NCOA3: variants seen among roughly 807,000 people sequenced by gnomAD.
The protein encoded by NCOA3 is CBP-interacting protein.
A neutral mutation model predicts 158.8 loss-of-function variants in NCOA3; 51 were observed. That is an observed-to-expected ratio of 0.32 (90% CI 0.26 to 0.41). NCOA3 has a LOEUF of 0.41. Among genes scored for constraint, NCOA3 ranks in the 10% least tolerant of loss-of-function variants. The pLI, the probability that NCOA3 is intolerant of heterozygous loss-of-function variation, is 1.00. For synonymous variants in NCOA3, 537 were observed against 592.4 expected (o/e 0.91, Z 1.36); for missense variants, 1,510 against 1,746.6 (o/e 0.86, Z 2.41).
At chr20:47,515,026 G>GT (rs913547832) in intron 1 of NCOA3, among the ~76,000 whole-genome samples, 1 of 146,448 alleles carries the variant, frequency 6.8e-6, no homozygotes, top group African/African-American at 2.5e-5. Context: ...TTTCATTTGT[G>GT]TTAAAAAAAA....
At chr20:47,520,542 G>C (rs1192771415) in intron 1 of NCOA3, among the ~76,000 whole-genome samples, 3 of 152,184 alleles carry the variant, frequency 2.0e-5, no homozygotes, top group Non-Finnish European at 4.4e-5. Context: ...TTTGCGGAAG[G>C]CTCAACCCCT....
chr20:47,538,071 G>C (rs994274877), intron 1 of NCOA3, among the ~76,000 whole-genome samples: 2 of 151,786 alleles, frequency 1.3e-5, no homozygotes, highest in Non-Finnish European at 2.9e-5. Context: ...GTAGAGACAG[G>C]GTTTCACTAT....
chr20:47,612,332 A>T (rs2086058910), intron 2 of NCOA3, among the ~76,000 whole-genome samples: 1 of 152,232 alleles, frequency 6.6e-6, no homozygotes, highest in Non-Finnish European at 1.5e-5. Flanking sequence ...ACAAGGTAGG[A>T]AGCAGAGACA....
intron 1 of NCOA3, among the ~76,000 whole-genome samples, chr20:47,502,793 C>T (rs1288629753): frequency 1.3e-5 from 2 of 151,006 alleles, no homozygotes; most frequent in Admixed American, 1.3e-4. Context: ...CTTGTACCTG[C>T]CTTAACAAAA....
At position 47,626,853 on chromosome 20, in the gene NCOA3, C is replaced by T. The variant is rs113870444; in HGVS notation, c.358-149C>T. The T allele has an allele frequency of 1.2e-4, 76 of 612,244 alleles. 5 individuals carry two copies. Among genetic ancestry groups the T allele is most frequent in the African/African-American group, 8.3e-4 (44 of 52,838 alleles). The allele number at this position is 612,244 out of a possible 1,614,324, so 37.9% of individuals were successfully genotyped here. A position where few individuals can be genotyped will look rare whatever the true frequency, so the allele number is the denominator to read the frequency against. On this transcript the variant is annotated intron_variant, in intron 5 of 22. Coordinates refer to ENST00000371998, the MANE Select transcript of NCOA3 (RefSeq NM_181659.3). ...AGTCATATTGGATTAGGGTCCCCAC[C>T]GTTATGACCTCATTTATCTTTAATT... is the stretch of plus-strand genomic sequence containing the variant.
At chr20:47,618,969 A>G (rs189965279) in intron 2 of NCOA3, among the ~76,000 whole-genome samples, 4 of 152,372 alleles carry the variant, frequency 2.6e-5, no homozygotes, top group Middle Eastern at 3.4e-3. Context: ...TTGTAACACT[A>G]TATCAACTGT....
chr20:47,648,716 C>G (rs2086731303), intron 18 of NCOA3, among the ~76,000 whole-genome samples: 1 of 151,924 alleles, frequency 6.6e-6, no homozygotes, highest in African/African-American at 2.4e-5. Context: ...CTGCCCACCT[C>G]AGCCTCTCAA....
chr20:47,597,909 T>C (rs901125548), intron 2 of NCOA3, among the ~76,000 whole-genome samples: 2 of 152,088 alleles, frequency 1.3e-5, no homozygotes, highest in Admixed American at 6.6e-5. Flanking sequence ...ATAGTTAAGA[T>C]TCCATGATTG....
Position 47,636,730 on chromosome 20 carries a change from G to T in NCOA3, c.2344G>T (p.Asp782Tyr). Residue 782 changes from aspartate to tyrosine, a missense_variant, in exon 12 of 23, where the codon GAC becomes TAC. Coordinates refer to ENST00000371998, the MANE Select transcript of NCOA3 (RefSeq NM_181659.3). ...STIPSSSQEK[D>Y]PKIKTETSEE... ...CATTCCTAGCTCAAGTCAAGAGAAAGACCCTAAAATTAAGACAGAGACAAG... is the reference window on the plus strand; with the variant it reads ...CATTCCTAGCTCAAGTCAAGAGAAATACCCTAAAATTAAGACAGAGACAAG... 1.9e-6 allele frequency: 3 copies of T among 1,612,628 alleles called. No homozygotes were observed. Among genetic ancestry groups the T allele is most frequent in the Non-Finnish European group, 2.5e-6 (3 of 1,178,996 alleles).
intron 2 of NCOA3, among the ~76,000 whole-genome samples, chr20:47,584,703 C>T (rs991364268): frequency 2.6e-4 from 38 of 148,950 alleles, no homozygotes; most frequent in African/African-American, 8.9e-4. Context: ...TCATTCTTTT[C>T]GTGAGGTTGA....
chr20:47,637,106 A>G (rs2146323357), intron 12 of NCOA3, among the ~76,000 whole-genome samples: 1 of 152,214 alleles, frequency 6.6e-6, no homozygotes, highest in East Asian at 1.9e-4. Flanking sequence ...TTAAGGTAAA[A>G]TCAAGTTTCA....
chr20:47,615,082 A>C (rs142667090), intron 2 of NCOA3, among the ~76,000 whole-genome samples: 1 of 152,206 alleles, frequency 6.6e-6, no homozygotes, highest in Admixed American at 6.5e-5. Context: ...CAGCTCTGCC[A>C]TCCAGAATCT....
chr20:47,577,991 C>T (rs2085397352), intron 1 of NCOA3, among the ~76,000 whole-genome samples: 1 of 151,960 alleles, frequency 6.6e-6, no homozygotes, highest in South Asian at 2.1e-4. Flanking sequence ...AATTCCTTGT[C>T]CCCCACTCCC....
At chr20:47,601,561 A>C (rs2085863403) in intron 2 of NCOA3, among the ~76,000 whole-genome samples, 1 of 152,160 alleles carries the variant, frequency 6.6e-6, no homozygotes, top group African/African-American at 2.4e-5. Context: ...TAAAAGGTGA[A>C]CTGCTGTACA....
At chr20:47,639,902 G>A in intron 15 of NCOA3, 23 bp from the exon 16 acceptor site, 4 of 1,613,688 alleles carry the variant, frequency 2.5e-6, no homozygotes, top group Non-Finnish European at 3.4e-6. Flanking sequence ...TTGAGAATTT[G>A]TGCTTTCTTT....
At chr20:47,550,511 G>A (rs2084912822) in intron 1 of NCOA3, among the ~76,000 whole-genome samples, 1 of 150,992 alleles carries the variant, frequency 6.6e-6, no homozygotes, top group Non-Finnish European at 1.5e-5. Flanking sequence ...ACTGGTGTCA[G>A]AGTTTAACAA....
intron 1 of NCOA3, among the ~76,000 whole-genome samples, chr20:47,519,771 A>AT (rs1186284058): frequency 6.7e-5 from 10 of 149,874 alleles, no homozygotes; most frequent in Non-Finnish European, 7.4e-5. Flanking sequence ...TCCACAGAAA[A>AT]TTTTTTTTTT....
chr20:47,636,573 T>C lies in NCOA3; in HGVS notation c.2187T>C (p.Pro729=), dbSNP rs1042182068. Residue 729 remains proline (P), a synonymous_variant, in exon 12 of 23, where the codon CCT becomes CCC. Coordinates refer to ENST00000371998, the MANE Select transcript of NCOA3 (RefSeq NM_181659.3). ...TTGTCAAGCAGGAGCAGCTAAGTCC[T>C]AAGAAGAAGGAGAATAATGCACTTC... ...GNVVKQEQLS[P]KKKENNALLR... The C allele has an allele frequency of 6.2e-7, 1 of 1,614,180 alleles. No individual in the cohort carries two copies. Among genetic ancestry groups the C allele is most frequent in the Non-Finnish European group, 8.5e-7 (1 of 1,180,040 alleles).
intron 2 of NCOA3, among the ~76,000 whole-genome samples, chr20:47,616,571 G>C (rs1258004851): frequency 6.6e-6 from 1 of 152,146 alleles, no homozygotes; most frequent in African/African-American, 2.4e-5. Flanking sequence ...TTTTTTAGTG[G>C]AAACATTTTA....
Sources: allele counts gnomAD v4.1 joint callset (sites outside exome capture counted in the v4.1 genomes callset), GRCh38; gene constraint gnomAD v4.1.1; transcripts MANE v1.5; gene names NCBI Gene and HGNC (gene_info 2026-07-23, HGNC 2026-07-21).